DOCK1: variants seen among roughly 807,000 people sequenced by gnomAD.
DOCK1 encodes the protein dedicator of cytokinesis protein 1.
A neutral mutation model predicts 262.7 loss-of-function variants in DOCK1; 138 were observed. The observed-to-expected ratio is 0.53, with a 90% CI of 0.46 to 0.61. DOCK1 has a LOEUF of 0.61. Ranked by LOEUF, DOCK1 falls within the 20% of genes least tolerant of loss-of-function variation. The probability of loss-of-function intolerance (pLI) is 0.00; values close to 1 mark genes in which losing one functional copy is unlikely to be tolerated. For missense variants in DOCK1, 1,908 were observed against 2,370.7 expected (o/e 0.80, Z 4.05); for synonymous variants, 866 against 867.4 (o/e 1.00, Z 0.03).
At chr10:127,392,764 G>A (rs150929508) in intron 38 of DOCK1, among the ~76,000 whole-genome samples, 333 of 152,196 alleles carry the variant, frequency 2.2e-3, no homozygotes, top group Non-Finnish European at 3.7e-3. Context: ...GCGCCGGGTC[G>A]GGGGCAGATC....
Position 127,279,772 on chromosome 10 carries a change from C to T in DOCK1, c.3044+22343C>T, listed in dbSNP as rs1477844593. 3.3e-5 allele frequency among the ~76,000 whole-genome samples: 5 copies of T among 152,004 alleles called. No individual in the cohort carries two copies. The East Asian group carries it at 7.7e-4, about 24-fold the overall frequency. On this transcript the variant is annotated intron_variant, in intron 29 of 51. Coordinates refer to ENST00000623213, the MANE Select transcript of DOCK1 (RefSeq NM_001290223.2). ...TGGGAAAAGGTGGCAGTTCAGTTCC[C>T]GAGGCTGGTGCCCTCGGCAAGAATG...
intron 2 of DOCK1, among the ~76,000 whole-genome samples, chr10:126,977,627 C>T (rs187447043): frequency 8.5e-5 from 13 of 152,258 alleles, no homozygotes; most frequent in Admixed American, 8.5e-4. Context: ...TACTCAGGGC[C>T]AGTGGTTGAA....
chr10:127,397,301 CGGCA>C (rs2066935981), intron 38 of DOCK1, among the ~76,000 whole-genome samples: 3 of 144,070 alleles, frequency 2.1e-5, no homozygotes, highest in Admixed American at 6.9e-5. Flanking sequence ...GTTACACGGG[CGGCA>C]ACTCCTATGT....
chr10:126,947,523 T>TGG, intron 1 of DOCK1, among the ~76,000 whole-genome samples: 1 of 139,758 alleles, frequency 7.2e-6, no homozygotes. Flanking sequence ...GTGGTGGTGG[T>TGG]TGGTAGTATT....
intron 1 of DOCK1, among the ~76,000 whole-genome samples, chr10:126,970,030 T>C (rs2037981739): frequency 6.6e-6 from 1 of 152,144 alleles, no homozygotes; most frequent in Admixed American, 6.5e-5. Context: ...AGTTGAATAC[T>C]TTTTGGGCCT....
At chr10:126,943,628 T>C (rs2035181197) in intron 1 of DOCK1, among the ~76,000 whole-genome samples, 1 of 152,110 alleles carries the variant, frequency 6.6e-6, no homozygotes, top group African/African-American at 2.4e-5. Context: ...TGGGATACAA[T>C]AGGGACTGAA....
At chr10:127,220,158 T>A (rs1180403156) in intron 27 of DOCK1, among the ~76,000 whole-genome samples, 1 of 151,780 alleles carries the variant, frequency 6.6e-6, no homozygotes, top group Non-Finnish European at 1.5e-5. Context: ...TGACCCCTCT[T>A]GTGTCTTCCT....
intron 32 of DOCK1, among the ~76,000 whole-genome samples, chr10:127,355,879 C>T (rs974784645): frequency 1.3e-5 from 2 of 152,204 alleles, no homozygotes; most frequent in Admixed American, 6.5e-5. Flanking sequence ...ATCTTCCTTG[C>T]CATTCTTTGG....
intron 33 of DOCK1, among the ~76,000 whole-genome samples, chr10:127,373,088 C>A (rs1376910382): frequency 6.6e-6 from 1 of 152,032 alleles, no homozygotes. Flanking sequence ...GAGATTTCCA[C>A]CCCCCAGAAT....
At chr10:127,010,354 C>G (rs959412580) in intron 11 of DOCK1, among the ~76,000 whole-genome samples, 3 of 152,144 alleles carry the variant, frequency 2.0e-5, no homozygotes, top group African/African-American at 7.2e-5. Flanking sequence ...GTAATCCCAG[C>G]TACTTGGGAG....
rs1163389580 is a variant in DOCK1 at position 126,987,477 on chromosome 10, A to G, written c.228-44A>G. The stretch of plus-strand genomic sequence containing the variant: ...TTACCAGGTACTACTCATAGCAGGC[A>G]GTGAAACCGTGGACTCAGCTGCTCT... On this transcript the variant is annotated intron_variant, in intron 4 of 51. Transcript: ENST00000623213. 7 of 1,494,050 alleles carry G rather than the reference A, an allele frequency of 4.7e-6. No individual in the cohort carries two copies. In the African/African-American group the frequency reaches 9.7e-5, roughly 21 times the overall value. 92.5% of individuals were successfully genotyped at this position (1,494,050 alleles called of 1,614,324 possible). A position where few individuals can be genotyped will look rare whatever the true frequency, so the allele number is the denominator to read the frequency against.
intron 27 of DOCK1, among the ~76,000 whole-genome samples, chr10:127,193,888 A>C (rs1041927081): frequency 7.9e-5 from 12 of 152,222 alleles, no homozygotes; most frequent in Non-Finnish European, 4.4e-5. Flanking sequence ...GAGCTTGCAG[A>C]AATCTCATTG....
Position 127,112,200 on chromosome 10 carries a change from TGG to T in DOCK1, c.2623+1849_2623+1850del, listed in dbSNP as rs2048909507. Among the ~76,000 whole-genome samples the T allele has an allele frequency of 5.9e-5, 9 of 152,108 alleles. No individual in the cohort carries two copies. The South Asian group carries it at 1.0e-3, about 18-fold the overall frequency. ...CTAATTTCTGTATTTTTAGTAGAGA[TGG>T]GGTTTCACCATGTTGGTCAGGCTGG... On this transcript the variant is annotated intron_variant, in intron 25 of 51. Coordinates refer to ENST00000623213, the MANE Select transcript of DOCK1 (RefSeq NM_001290223.2).
At chr10:127,207,872 G>T (rs1361251364) in intron 27 of DOCK1, among the ~76,000 whole-genome samples, 1 of 152,148 alleles carries the variant, frequency 6.6e-6, no homozygotes, top group Non-Finnish European at 1.5e-5. Context: ...ATGACCCCTG[G>T]CTTATAGCAT....
chr10:127,039,212 A>T (rs575174976), intron 19 of DOCK1, among the ~76,000 whole-genome samples: 11 of 152,220 alleles, frequency 7.2e-5, no homozygotes, highest in African/African-American at 2.2e-4. Context: ...GTGTTCTCCC[A>T]ATGGCTTGGA....
intron 23 of DOCK1, among the ~76,000 whole-genome samples, chr10:127,073,110 A>G (rs2046327009): frequency 6.6e-6 from 1 of 152,230 alleles, no homozygotes; most frequent in South Asian, 2.1e-4. Flanking sequence ...TTTAAGTTTT[A>G]AGTTTGCAGC....
intron 27 of DOCK1, among the ~76,000 whole-genome samples, chr10:127,166,625 G>A (rs2054112363): frequency 6.6e-6 from 1 of 152,214 alleles, no homozygotes; most frequent in Non-Finnish European, 1.5e-5. Flanking sequence ...CAAAATAGGT[G>A]ACCTCTGTAG....
chr10:127,152,974 C>A (rs547243143), intron 27 of DOCK1, among the ~76,000 whole-genome samples: 2 of 152,264 alleles, frequency 1.3e-5, no homozygotes, highest in South Asian at 2.1e-4. Context: ...GATTGTGTAG[C>A]CTCAAGCCTC....
At chr10:127,023,975 C>G (rs1207907107) in intron 14 of DOCK1, among the ~76,000 whole-genome samples, 1 of 152,224 alleles carries the variant, frequency 6.6e-6, no homozygotes, top group Non-Finnish European at 1.5e-5. Context: ...ACCTCGTGCT[C>G]TACCTACCGG....
Sources: gnomAD v4.1 joint callset for allele counts (sites outside exome capture counted in the v4.1 genomes callset) on GRCh38, gnomAD v4.1.1 for gene constraint, MANE v1.5 for transcripts, NCBI Gene and HGNC (gene_info 2026-07-23, HGNC 2026-07-21) for gene names.